Variants in DAB1 observed in about 807,000 individuals in gnomAD.
DAB1 encodes the protein disabled homolog 1.
Under a neutral mutation model 64.6 loss-of-function variants are expected in DAB1, and 15 were observed. That is an observed-to-expected ratio of 0.23 (90% CI 0.16 to 0.36). The LOEUF (loss-of-function observed/expected upper bound fraction) is 0.36, where lower values mean the gene tolerates loss of function less well. Among genes scored for constraint, DAB1 ranks in the 10% least tolerant of loss-of-function variants. The pLI is 1.00. For synonymous variants in DAB1, 235 were observed against 251.9 expected, an observed-to-expected ratio of 0.93 and a Z score of 0.64; for missense variants, 596 against 706.7, an observed-to-expected ratio of 0.84 and a Z score of 1.78.
At chr1:57,126,190 G>A (rs1657112128) in intron 4 of DAB1, among the ~76,000 whole-genome samples, 1 of 152,256 alleles carries the variant, frequency 6.6e-6, no homozygotes, top group East Asian at 1.9e-4. Context: ...AGTAGTGACT[G>A]ATTATAGGAT....
At chr1:57,796,758 C>T (rs1350835137) in intron 6 of DAB1, among the ~76,000 whole-genome samples, 2 of 152,038 alleles carry the variant, frequency 1.3e-5, no homozygotes, top group Non-Finnish European at 1.5e-5. Flanking sequence ...GTTCTGCTGT[C>T]CTCCTCTCCC....
chr1:58,184,868 T>C (rs1458070728), intron 4 of DAB1, among the ~76,000 whole-genome samples: 1 of 152,166 alleles, frequency 6.6e-6, no homozygotes, highest in Admixed American at 6.6e-5. Flanking sequence ...GAAGGATACA[T>C]TGGTTGAGCT....
At chr1:58,473,552 AT>A (rs1557431448) in intron 3 of DAB1, among the ~76,000 whole-genome samples, 4,206 of 108,078 alleles carry the variant, frequency 0.039, 80 homozygotes, top group African/African-American at 0.058. Flanking sequence ...AAAAAAATAA[AT>A]AAATAAATAA....
At chr1:58,201,679 G>T (rs1168475140) in intron 4 of DAB1, among the ~76,000 whole-genome samples, 2 of 152,166 alleles carry the variant, frequency 1.3e-5, no homozygotes, top group Non-Finnish European at 2.9e-5. Flanking sequence ...AGCACTGGGG[G>T]ATTCCTGGCA....
In DAB1 at chr1:57,848,584, G is replaced by A. The variant is rs1653388122; in HGVS notation, n.88-22129C>T. Among the ~76,000 whole-genome samples, 5 of 152,194 alleles carry A rather than the reference G, an allele frequency of 3.3e-5. No homozygotes were observed. In the South Asian group the frequency reaches 1.0e-3, roughly 32 times the overall value. On this transcript the variant is annotated intron_variant and non_coding_transcript_variant, in intron 1 of 1. Transcript: ENST00000477280. Reference sequence around the variant, plus strand: ...ACAGGGATGGTTGTGTTAAGAAGAGGTCTAGGCCAGACAGAAGTAGCTGTT... The same window carrying A: ...ACAGGGATGGTTGTGTTAAGAAGAGATCTAGGCCAGACAGAAGTAGCTGTT...
chr1:58,206,866 C>T (rs1381211956), intron 4 of DAB1, among the ~76,000 whole-genome samples: 2 of 152,212 alleles, frequency 1.3e-5, no homozygotes, highest in Non-Finnish European at 2.9e-5. Flanking sequence ...ATCTATTTCT[C>T]TTTTCCTTAT....
chr1:57,022,668 A>C (rs1048550242), intron 11 of DAB1, among the ~76,000 whole-genome samples: 6 of 152,282 alleles, frequency 3.9e-5, no homozygotes, highest in African/African-American at 1.4e-4. Flanking sequence ...AAAAAATGCA[A>C]GAAGATTGGT....
intron 2 of DAB1, among the ~76,000 whole-genome samples, chr1:57,214,809 G>T (rs1666291087): frequency 6.7e-6 from 1 of 150,278 alleles, no homozygotes; most frequent in Non-Finnish European, 1.5e-5. Context: ...TACTCAGGAG[G>T]CTGAGGCAGG....
intron 7 of DAB1, among the ~76,000 whole-genome samples, chr1:57,526,577 C>T (rs1386807445): frequency 6.6e-6 from 1 of 152,210 alleles, no homozygotes; most frequent in Non-Finnish European, 1.5e-5. Flanking sequence ...AGCATTATAA[C>T]TCTGAGAAAG....
At chr1:58,123,130 G>A (rs937854309) in intron 5 of DAB1, among the ~76,000 whole-genome samples, 4 of 152,110 alleles carry the variant, frequency 2.6e-5, no homozygotes, top group African/African-American at 4.8e-5. Flanking sequence ...CCTAGAGCTG[G>A]CCCCTGACTG....
chr1:57,501,234 TC>T, intron 7 of DAB1, among the ~76,000 whole-genome samples: 1 of 152,354 alleles, frequency 6.6e-6, no homozygotes, highest in East Asian at 1.9e-4. Context: ...TCCTGAGACC[TC>T]CTTGTAAGAA....
chr1:57,927,408 A>G (rs1644894445), intron 5 of DAB1, among the ~76,000 whole-genome samples: 1 of 152,116 alleles, frequency 6.6e-6, no homozygotes, highest in Non-Finnish European at 1.5e-5. Flanking sequence ...CTGAGGAGGG[A>G]GGATCACCTG....
intron 7 of DAB1, among the ~76,000 whole-genome samples, chr1:57,495,107 A>G (rs1435709386): frequency 6.6e-6 from 1 of 152,186 alleles, no homozygotes; most frequent in Non-Finnish European, 1.5e-5. Context: ...GAGTTCACAA[A>G]ACCAGCTTGG....
intron 4 of DAB1, among the ~76,000 whole-genome samples, chr1:58,201,556 T>C (rs998662165): frequency 2.0e-5 from 3 of 152,194 alleles, no homozygotes; most frequent in African/African-American, 4.8e-5. Context: ...TAAAAGTAGA[T>C]GAAGGACCCC....
intron 7 of DAB1, among the ~76,000 whole-genome samples, chr1:57,624,751 G>T (rs1263889616): frequency 1.3e-5 from 2 of 152,134 alleles, no homozygotes; most frequent in African/African-American, 4.8e-5. Context: ...TTCAAAATTA[G>T]AGTTAAGCTA....
At chr1:57,682,506 A>G (rs1481144068) in intron 6 of DAB1, among the ~76,000 whole-genome samples, 2 of 151,690 alleles carry the variant, frequency 1.3e-5, no homozygotes, top group East Asian at 3.9e-4. Flanking sequence ...GGTGACACTA[A>G]TGATGAGGCT....
At chr1:57,250,570 A>C (rs1669259221) in intron 2 of DAB1, among the ~76,000 whole-genome samples, 1 of 152,122 alleles carries the variant, frequency 6.6e-6, no homozygotes, top group Non-Finnish European at 1.5e-5. Flanking sequence ...TTCCAATAAA[A>C]TGTATTTAAA....
intron 4 of DAB1, among the ~76,000 whole-genome samples, chr1:58,173,206 T>C (rs374499078): frequency 1.3e-5 from 2 of 152,016 alleles, no homozygotes; most frequent in East Asian, 3.9e-4. Flanking sequence ...TTCACAGGGG[T>C]ATAGTTTTCT....
At chr1:58,405,805 C>CA (rs1262741675) in intron 3 of DAB1, among the ~76,000 whole-genome samples, 1 of 152,168 alleles carries the variant, frequency 6.6e-6, no homozygotes, top group East Asian at 1.9e-4. Flanking sequence ...AATGAGGAAA[C>CA]AGACACTTGG....
Sources: gnomAD v4.1 joint callset for allele counts (sites outside exome capture counted in the v4.1 genomes callset) on GRCh38, gnomAD v4.1.1 for gene constraint, MANE v1.5 for transcripts, NCBI Gene and HGNC (gene_info 2026-07-23, HGNC 2026-07-21) for gene names.